Variants in ITPR1 observed in about 807,000 individuals in gnomAD.
ITPR1 encodes inositol 1,4,5-trisphosphate-gated calcium channel ITPR1.
Under a neutral mutation model 318.4 loss-of-function variants are expected in ITPR1, and 96 were observed. The ratio of observed to expected loss-of-function variants is 0.30; its 90% CI spans 0.26 to 0.36. The LOEUF (loss-of-function observed/expected upper bound fraction) is 0.36, where lower values mean the gene tolerates loss of function less well. Ranked by LOEUF, ITPR1 falls within the 10% of genes least tolerant of loss-of-function variation. The pLI, the probability that ITPR1 is intolerant of heterozygous loss-of-function variation, is 1.00. For synonymous variants in ITPR1, 1,312 were observed against 1,289.9 expected, an observed-to-expected ratio of 1.02 and a Z score of -0.37; for missense variants, 2,440 against 3,460.2, an observed-to-expected ratio of 0.71 and a Z score of 7.40.
chr3:4,772,725 G>A (rs964080526), intron 46 of ITPR1, among the ~76,000 whole-genome samples: 12 of 152,220 alleles, frequency 7.9e-5, no homozygotes, highest in Admixed American at 1.3e-4. Context: ...AGGCAGGGTG[G>A]TACATGCTGA....
At chr3:4,603,622 G>A (rs11719619) in intron 4 of ITPR1, among the ~76,000 whole-genome samples, 21,690 of 151,996 alleles carry the variant, frequency 0.14, 1,799 homozygotes, top group African/African-American at 0.22. Context: ...TAGAGACAGG[G>A]TTTCACCCTG....
intron 4 of ITPR1, among the ~76,000 whole-genome samples, chr3:4,526,429 T>C (rs1273172199): frequency 6.6e-6 from 1 of 152,188 alleles, no homozygotes; most frequent in African/African-American, 2.4e-5. Flanking sequence ...TCTAAGCAAA[T>C]GTATTGTGAA....
chr3:4,514,119 G>A (rs543054952), intron 2 of ITPR1, among the ~76,000 whole-genome samples: 20 of 151,802 alleles, frequency 1.3e-4, no homozygotes, highest in Admixed American at 1.1e-3. Flanking sequence ...GACCTGGGTT[G>A]TAACAACCCT....
intron 52 of ITPR1, among the ~76,000 whole-genome samples, chr3:4,793,510 A>G (rs1575272694): frequency 6.6e-6 from 1 of 152,206 alleles, no homozygotes; most frequent in South Asian, 2.1e-4. Context: ...ACATATCCAG[A>G]TCGGAAATGG....
intron 4 of ITPR1, among the ~76,000 whole-genome samples, chr3:4,579,864 G>A (rs1196555940): frequency 6.6e-6 from 1 of 152,030 alleles, no homozygotes; most frequent in African/African-American, 2.4e-5. Flanking sequence ...TATTATATCT[G>A]TATTGCACAA....
At chr3:4,792,700 G>A (rs986362514) in intron 52 of ITPR1, among the ~76,000 whole-genome samples, 1 of 152,128 alleles carries the variant, frequency 6.6e-6, no homozygotes, top group East Asian at 1.9e-4. Flanking sequence ...TGAGACAGAG[G>A]GAGAGGGAGA....
Position 4,675,112 on chromosome 3 carries a change from C to T in ITPR1, c.2643C>T (p.Asn881=). ...ARNLIYFGFY[N]FSDLLRLTKI... Reference sequence around the variant, plus strand: ...ATCTCATATACTTTGGTTTCTACAACTTCTCTGACCTTCTACGATTAACTA... The same window carrying T: ...ATCTCATATACTTTGGTTTCTACAATTTCTCTGACCTTCTACGATTAACTA... Residue 881 remains asparagine, a synonymous_variant, in exon 23 of 62, where the codon AAC becomes AAT. Transcript: ENST00000649015. 6.2e-7 allele frequency: 1 copy of T among 1,604,600 alleles called. No individual in the cohort carries two copies. Among genetic ancestry groups the T allele is most frequent in the Non-Finnish European group, 8.5e-7 (1 of 1,171,706 alleles).
intron 4 of ITPR1, among the ~76,000 whole-genome samples, chr3:4,538,524 G>A (rs566157577): frequency 5.9e-5 from 9 of 152,202 alleles, no homozygotes; most frequent in Admixed American, 2.0e-4. Context: ...AATACCATTC[G>A]ACCCAGCAAT....
At chr3:4,802,893 C>T (rs1048717151) in intron 54 of ITPR1, among the ~76,000 whole-genome samples, 2 of 151,894 alleles carry the variant, frequency 1.3e-5, no homozygotes, top group Non-Finnish European at 2.9e-5. Flanking sequence ...AATAGTAACA[C>T]ATGGTGGGCA....
chr3:4,837,085 TC>T, intron 61 of ITPR1, 150 bp downstream of exon 61: 1 of 558,756 alleles, frequency 1.8e-6, no homozygotes, highest in Non-Finnish European at 2.9e-6. Context: ...CACTCACTCC[TC>T]CAGTCTCCTC....
intron 4 of ITPR1, among the ~76,000 whole-genome samples, chr3:4,606,316 A>C (rs1272915217): frequency 6.6e-6 from 1 of 152,154 alleles, no homozygotes; most frequent in African/African-American, 2.4e-5. Context: ...GGGTGAGCTT[A>C]CAGCAGGATA....
chr3:4,668,819 T>C (rs1559652071), intron 18 of ITPR1, among the ~76,000 whole-genome samples: 1 of 152,202 alleles, frequency 6.6e-6, no homozygotes, highest in Admixed American at 6.5e-5. Flanking sequence ...CCTCCCTCAG[T>C]ATAATCAGTA....
chr3:4,840,707 T>G (rs1246128109), intron 61 of ITPR1, among the ~76,000 whole-genome samples: 1 of 152,224 alleles, frequency 6.6e-6, no homozygotes, highest in Non-Finnish European at 1.5e-5. Flanking sequence ...ATTCTAAGTA[T>G]TATTTAACGA....
chr3:4,842,080 A>G (rs1175254488), intron 61 of ITPR1, among the ~76,000 whole-genome samples: 2 of 152,252 alleles, frequency 1.3e-5, no homozygotes, highest in African/African-American at 4.8e-5. Flanking sequence ...TGTGCTGTCA[A>G]TGAACTTTCC....
At chr3:4,514,281 A>T (rs938012508) in intron 2 of ITPR1, among the ~76,000 whole-genome samples, 5 of 152,198 alleles carry the variant, frequency 3.3e-5, no homozygotes, top group African/African-American at 1.2e-4. Context: ...TAAAGCACTC[A>T]GCACAATGGT....
intron 5 of ITPR1, among the ~76,000 whole-genome samples, chr3:4,634,275 A>G (rs1187101456): frequency 1.3e-5 from 2 of 151,990 alleles, no homozygotes; most frequent in African/African-American, 4.8e-5. Context: ...GTGCAGTGAC[A>G]TGTTCCCGGC....
At chr3:4,591,111 T>C (rs1177293932) in intron 4 of ITPR1, among the ~76,000 whole-genome samples, 2 of 152,124 alleles carry the variant, frequency 1.3e-5, no homozygotes, top group African/African-American at 4.8e-5. Flanking sequence ...CTACATTTTC[T>C]TTATCCAATC....
At chr3:4,701,183 G>A (rs1267316519) in intron 35 of ITPR1, among the ~76,000 whole-genome samples, 2 of 152,198 alleles carry the variant, frequency 1.3e-5, no homozygotes, top group Non-Finnish European at 2.9e-5. Context: ...CAGGAATAGG[G>A]TTCAGTGGAA....
chr3:4,664,811 TTGAC>T (rs2093911931), intron 16 of ITPR1, among the ~76,000 whole-genome samples: 1 of 152,252 alleles, frequency 6.6e-6, no homozygotes, highest in Non-Finnish European at 1.5e-5. Flanking sequence ...CGGGTTTACT[TTGAC>T]TGTAATCTGT....
Sources: gnomAD v4.1 joint callset for allele counts (sites outside exome capture counted in the v4.1 genomes callset) on GRCh38, gnomAD v4.1.1 for gene constraint, MANE v1.5 for transcripts, NCBI Gene and HGNC (gene_info 2026-07-23, HGNC 2026-07-21) for gene names.